FAM135A: variants seen among roughly 807,000 people sequenced by gnomAD.
FAM135A encodes protein FAM135A.
A neutral mutation model predicts 146.8 loss-of-function variants in FAM135A; 79 were observed. That is an observed-to-expected ratio of 0.54 (90% CI 0.45 to 0.65). FAM135A has a LOEUF of 0.65. Ranked by LOEUF, FAM135A falls within the 30% of genes least tolerant of loss-of-function variation. The pLI is 0.00. For missense variants in FAM135A, 1,623 were observed against 1,758.2 expected, an observed-to-expected ratio of 0.92 and a Z score of 1.38; for synonymous variants, 562 against 603.6, an observed-to-expected ratio of 0.93 and a Z score of 1.01.
chr6:70,520,281 A>C (rs1380090617), intron 12 of FAM135A, among the ~76,000 whole-genome samples: 1 of 151,958 alleles, frequency 6.6e-6, no homozygotes, highest in African/African-American at 2.4e-5. Flanking sequence ...ATTTTATGAT[A>C]ATTTTGCTAT....
At chr6:70,486,853 GGCAGTGGAGATT>G (rs542665290) in intron 10 of FAM135A, among the ~76,000 whole-genome samples, 246 of 152,162 alleles carry the variant, frequency 1.6e-3, no homozygotes, top group Non-Finnish European at 3.1e-3. Flanking sequence ...CTTAAACCTG[GGCAGTGGAGATT>G]GCAGTGAGCC....
chr6:70,433,476 G>T (rs1175501750), intron 4 of FAM135A, among the ~76,000 whole-genome samples: 1 of 151,614 alleles, frequency 6.6e-6, no homozygotes, highest in African/African-American at 2.4e-5. Context: ...GGCCATCCTT[G>T]TAATAATCAA....
At chr6:70,453,867 A>G (rs908571940) in intron 5 of FAM135A, among the ~76,000 whole-genome samples, 2 of 152,186 alleles carry the variant, frequency 1.3e-5, no homozygotes, top group African/African-American at 4.8e-5. Context: ...TAGTGCCGCA[A>G]TAAACATACG....
intron 4 of FAM135A, among the ~76,000 whole-genome samples, chr6:70,439,334 T>C (rs889154862): frequency 8.5e-5 from 13 of 152,204 alleles, no homozygotes; most frequent in Admixed American, 4.6e-4. Context: ...TTTAGTGAAT[T>C]GAACCTTTTA....
chr6:70,503,680 A>T (rs1311686883), intron 12 of FAM135A: 3 of 152,114 alleles, frequency 2.0e-5, no homozygotes, highest in Non-Finnish European at 4.4e-5. Context: ...TAGTTTTATC[A>T]CCTATGTATG....
In FAM135A at chr6:70,525,315, ATC is replaced by A. The variant is rs1794482103; in HGVS notation, c.2232_2233del (p.Tyr744Ter). 6.2e-7 allele frequency: 1 copy of A among 1,610,780 alleles called. No homozygotes were observed. Among genetic ancestry groups the A allele is most frequent in the Admixed American group, 1.7e-5 (1 of 59,512 alleles). On this transcript the variant is annotated stop_gained and frameshift_variant, in exon 15 of 22. Transcript: ENST00000418814. LOFTEE classifies it high-confidence loss of function. ...CTACCTGCCCCTTCTACAAAAGAATATCATGTTGTAGTAAGTGGAGATACAAT... is the reference window on the plus strand; with the variant it reads ...CTACCTGCCCCTTCTACAAAAGAATAATGTTGTAGTAAGTGGAGATACAAT...
chr6:70,460,495 C>T (rs2128094018), intron 5 of FAM135A, among the ~76,000 whole-genome samples: 1 of 152,220 alleles, frequency 6.6e-6, no homozygotes, highest in Middle Eastern at 3.4e-3. Context: ...TTGGTTGGTT[C>T]TAAAGGTTGA....
chr6:70,447,772 C>T (rs1003457502), intron 4 of FAM135A, among the ~76,000 whole-genome samples: 5 of 152,130 alleles, frequency 3.3e-5, no homozygotes, highest in African/African-American at 1.2e-4. Flanking sequence ...TCTTTTTTCC[C>T]CTATCTGGCA....
rs780107682 is a variant in FAM135A, at chr6:70,477,300, A to G, written c.510A>G (p.Ala170=). ...CTGTTGTGTCTGTTACAGTTCATGC[A>G]TCATTGGTTGCACTACACCAGCCAC... ...HLSVVSVTVH[A]SLVALHQPLI... is the part of the protein sequence containing the mutation. Residue 170 remains alanine, a synonymous_variant, in exon 8 of 22, where the codon GCA becomes GCG. Transcript: ENST00000418814. The G allele has an allele frequency of 1.9e-5, 31 of 1,613,268 alleles. No homozygotes were observed. Among genetic ancestry groups the G allele is most frequent in the Non-Finnish European group, 2.6e-5 (31 of 1,179,564 alleles).
intron 12 of FAM135A, chr6:70,503,219 A>C (rs1788961545): frequency 6.5e-6 from 1 of 154,314 alleles, no homozygotes; most frequent in African/African-American, 2.4e-5. Context: ...AGCAGGATGG[A>C]GGGGGCAGTC....
rs544284348 is a variant in FAM135A, at chr6:70,414,392, T to G, written c.-220+690T>G. 2.6e-5 allele frequency among the ~76,000 whole-genome samples: 4 copies of G among 152,248 alleles called. No homozygotes were observed. The East Asian group carries it at 7.7e-4, about 29-fold the overall frequency. ...AGCTTCGGAAACCCTCACTGCCTTC[T>G]CTTTCCTCTGGTACCCTGCTTCATC... is the stretch of plus-strand genomic sequence containing the variant. On this transcript the variant is annotated intron_variant, in intron 1 of 21. Coordinates refer to ENST00000418814, the MANE Select transcript of FAM135A (RefSeq NM_001162529.3).
intron 5 of FAM135A, among the ~76,000 whole-genome samples, chr6:70,467,810 A>G (rs544754595): frequency 5.3e-5 from 8 of 152,126 alleles, no homozygotes; most frequent in Non-Finnish European, 5.9e-5. Flanking sequence ...TGCTATAACA[A>G]TGTTTTCCTG....
intron 2 of FAM135A, among the ~76,000 whole-genome samples, chr6:70,418,725 A>G (rs1467405184): frequency 3.9e-5 from 6 of 152,242 alleles, no homozygotes. Flanking sequence ...GCCTCAGCCA[A>G]TCAAGAAGGA....
At chr6:70,547,280 AG>A (rs1055890416) in intron 20 of FAM135A, among the ~76,000 whole-genome samples, 4 of 152,182 alleles carry the variant, frequency 2.6e-5, no homozygotes, top group Non-Finnish European at 4.4e-5. Flanking sequence ...TGTTTCTGAA[AG>A]TGCGGGAAAG....
At chr6:70,463,722 T>C (rs1026603606) in intron 5 of FAM135A, among the ~76,000 whole-genome samples, 19 of 152,230 alleles carry the variant, frequency 1.2e-4, no homozygotes, top group Non-Finnish European at 4.4e-5. Flanking sequence ...ATTATGTCAC[T>C]AATCCTTTAC....
chr6:70,539,216 G>GA (rs1435510179), intron 20 of FAM135A, among the ~76,000 whole-genome samples: 1 of 152,126 alleles, frequency 6.6e-6, no homozygotes, highest in Non-Finnish European at 1.5e-5. Flanking sequence ...TGAAAGTGGA[G>GA]ACGTAACTGA....
At chr6:70,512,870 A>G (rs1306443466) in intron 12 of FAM135A, among the ~76,000 whole-genome samples, 3 of 151,762 alleles carry the variant, frequency 2.0e-5, no homozygotes, top group African/African-American at 7.2e-5. Flanking sequence ...CATGAAAAAT[A>G]TTATTCTGTA....
intron 3 of FAM135A, among the ~76,000 whole-genome samples, chr6:70,428,010 G>A (rs1379631604): frequency 6.6e-6 from 1 of 152,080 alleles, no homozygotes; most frequent in Non-Finnish European, 1.5e-5. Context: ...AGATAAAGTT[G>A]AGTTTCTTTT....
intron 4 of FAM135A, among the ~76,000 whole-genome samples, chr6:70,448,739 A>G (rs533859610): frequency 6.6e-6 from 1 of 152,258 alleles, no homozygotes; most frequent in East Asian, 1.9e-4. Context: ...TGGATATTAG[A>G]TTAACTAAAA....
Sources: allele counts gnomAD v4.1 joint callset (sites outside exome capture counted in the v4.1 genomes callset), GRCh38; gene constraint gnomAD v4.1.1; transcripts MANE v1.5; gene names NCBI Gene and HGNC (gene_info 2026-07-23, HGNC 2026-07-21).